Variants in ZNF385D observed in about 807,000 individuals in gnomAD.
The protein encoded by ZNF385D is zinc finger protein 659.
In ZNF385D, 15 loss-of-function variants were observed where a neutral mutation model predicts 35.8. That is an observed-to-expected ratio of 0.42 (90% CI 0.28 to 0.64). ZNF385D has a LOEUF of 0.64. ZNF385D is among the 30% of genes least tolerant of loss of function. The pLI, the probability that ZNF385D is intolerant of heterozygous loss-of-function variation, is 0.23. For synonymous variants in ZNF385D, 212 were observed against 186.8 expected, an observed-to-expected ratio of 1.13 and a Z score of -1.10; for missense variants, 474 against 494.6, an observed-to-expected ratio of 0.96 and a Z score of 0.39.
intron 6 of ZNF385D, 138 bp from the exon 7 acceptor site, chr3:21,424,202 T>C: frequency 1.6e-6 from 1 of 607,268 alleles, no homozygotes; most frequent in Non-Finnish European, 2.5e-6. Context: ...ATCATGCACT[T>C]TTGTCCTGAG....
intron 1 of ZNF385D, among the ~76,000 whole-genome samples, chr3:21,725,607 T>C (rs4858351): frequency 0.67 from 102,453 of 151,994 alleles, 34,615 homozygotes; most frequent in East Asian, 0.76. Flanking sequence ...TTCCTGGGCA[T>C]ATACACCCGT....
chr3:21,632,538 A>G (rs1575361116), intron 2 of ZNF385D, among the ~76,000 whole-genome samples: 1 of 152,162 alleles, frequency 6.6e-6, no homozygotes, highest in Admixed American at 6.6e-5. Flanking sequence ...TAAGTAAGTT[A>G]ATTTCCAAAG....
chr3:22,219,185 A>G (rs768878698), intron 2 of ZNF385D, among the ~76,000 whole-genome samples: 10 of 152,066 alleles, frequency 6.6e-5, no homozygotes, highest in South Asian at 2.1e-4. Flanking sequence ...ATGAAGACAT[A>G]TTATTCTTTG....
chr3:21,679,538 ATTGTTGCT>A (rs773089085), intron 1 of ZNF385D, among the ~76,000 whole-genome samples: 89 of 152,094 alleles, frequency 5.9e-4, no homozygotes, highest in Non-Finnish European at 8.7e-4. Flanking sequence ...TAAATAAGAC[ATTGTTGCT>A]TTGAAAGCTA....
chr3:22,261,557 A>C (rs765088562), intron 2 of ZNF385D, among the ~76,000 whole-genome samples: 1 of 151,934 alleles, frequency 6.6e-6, no homozygotes, highest in African/African-American at 2.4e-5. Context: ...ATCCGTCCCT[A>C]TCCTGCTCTG....
chr3:22,214,383 T>G (rs956677920), intron 2 of ZNF385D, among the ~76,000 whole-genome samples: 6 of 152,058 alleles, frequency 3.9e-5, no homozygotes, highest in African/African-American at 1.4e-4. Flanking sequence ...CATGTGTGTT[T>G]GAACAATATG....
chr3:21,736,277 A>T (rs1225736337), intron 1 of ZNF385D, among the ~76,000 whole-genome samples: 2 of 152,170 alleles, frequency 1.3e-5, no homozygotes, highest in African/African-American at 4.8e-5. Flanking sequence ...TTCCTTGATA[A>T]AGGTGACATC....
At chr3:22,212,317 G>C (rs1697576941) in intron 2 of ZNF385D, among the ~76,000 whole-genome samples, 1 of 151,946 alleles carries the variant, frequency 6.6e-6, no homozygotes, top group Admixed American at 6.6e-5. Flanking sequence ...AAACAACAGA[G>C]TCTCTGTGCC....
At chr3:21,812,938 C>A (rs1484148208) in intron 3 of ZNF385D, among the ~76,000 whole-genome samples, 1 of 152,224 alleles carries the variant, frequency 6.6e-6, no homozygotes, top group African/African-American at 2.4e-5. Flanking sequence ...CTGGGAGACA[C>A]CTCCCAGTAC....
At chr3:22,169,509 T>C (rs1334660256) in intron 2 of ZNF385D, among the ~76,000 whole-genome samples, 11 of 152,196 alleles carry the variant, frequency 7.2e-5, no homozygotes, top group Admixed American at 5.2e-4. Flanking sequence ...AATAAAGTTC[T>C]TATATTCCTT....
chr3:22,269,616 T>C (rs1408126417), intron 2 of ZNF385D, among the ~76,000 whole-genome samples: 3 of 151,918 alleles, frequency 2.0e-5, no homozygotes, highest in African/African-American at 7.2e-5. Flanking sequence ...AATGCACAGA[T>C]TGAAGAGTGA....
At chr3:21,432,923 A>G (rs1246688799) in intron 5 of ZNF385D, among the ~76,000 whole-genome samples, 1 of 152,176 alleles carries the variant, frequency 6.6e-6, no homozygotes, top group Non-Finnish European at 1.5e-5. Context: ...CGAATGAAAG[A>G]ACACAATTGA....
intron 6 of ZNF385D, among the ~76,000 whole-genome samples, chr3:21,424,301 T>TTATTTATATATATATATATATATA (rs1444235124): frequency 1.2e-5 from 1 of 80,184 alleles, no homozygotes; most frequent in African/African-American, 4.7e-5. Flanking sequence ...ATATATATAT[T>TTATTTATATATATATATATATATA]TATATATATA....
chr3:22,202,916 G>A (rs969043252), intron 2 of ZNF385D, among the ~76,000 whole-genome samples: 19 of 152,044 alleles, frequency 1.2e-4, no homozygotes, highest in Non-Finnish European at 2.9e-5. Context: ...TGCCACTGTG[G>A]GCTAAAGTGT....
intron 1 of ZNF385D, among the ~76,000 whole-genome samples, chr3:21,667,530 G>C (rs1176220396): frequency 6.6e-6 from 1 of 152,134 alleles, no homozygotes; most frequent in African/African-American, 2.4e-5. Flanking sequence ...CACCTGGTTT[G>C]ATTCTAAGAT....
intron 2 of ZNF385D, among the ~76,000 whole-genome samples, chr3:22,303,478 GCCT>G (rs1206671361): frequency 3.9e-5 from 6 of 152,054 alleles, no homozygotes; most frequent in Admixed American, 3.3e-4. Context: ...CACTTATCTT[GCCT>G]CCTTTCTTTT....
chr3:21,852,608 A>C (rs1183127097), intron 3 of ZNF385D, among the ~76,000 whole-genome samples: 1 of 151,958 alleles, frequency 6.6e-6, no homozygotes, highest in Non-Finnish European at 1.5e-5. Context: ...GAGATTAGGC[A>C]GTAATTACTA....
intron 3 of ZNF385D, among the ~76,000 whole-genome samples, chr3:21,764,443 C>T (rs886482589): frequency 6.6e-6 from 1 of 152,128 alleles, no homozygotes; most frequent in Non-Finnish European, 1.5e-5. Flanking sequence ...CTCGTATAAC[C>T]AGGTGATTTT....
At chr3:22,189,418 C>A (rs1247541554) in intron 2 of ZNF385D, among the ~76,000 whole-genome samples, 1 of 152,120 alleles carries the variant, frequency 6.6e-6, no homozygotes, top group Non-Finnish European at 1.5e-5. Flanking sequence ...TAGCCTCAGT[C>A]TATACCTTGA....
Sources: gnomAD v4.1 joint callset for allele counts (sites outside exome capture counted in the v4.1 genomes callset) on GRCh38, gnomAD v4.1.1 for gene constraint, MANE v1.5 for transcripts, NCBI Gene and HGNC (gene_info 2026-07-23, HGNC 2026-07-21) for gene names.